Variants in CHD7 observed in about 807,000 individuals in gnomAD.
The protein encoded by CHD7 is ATP-dependent chromatin remodeler CHD7.
A neutral mutation model predicts 307.3 loss-of-function variants in CHD7; 24 were observed. The ratio of observed to expected loss-of-function variants is 0.08; its 90% CI spans 0.06 to 0.11. The LOEUF (loss-of-function observed/expected upper bound fraction) is 0.11. Among genes scored for constraint, CHD7 ranks in the 10% least tolerant of loss-of-function variants. The pLI is 1.00. For synonymous variants in CHD7, 1,363 were observed against 1,349.9 expected (o/e 1.01, Z -0.21); for missense variants, 3,106 against 3,727.1 (o/e 0.83, Z 4.34).
At chr8:60,697,065 G>A (rs966417643) in intron 1 of CHD7, among the ~76,000 whole-genome samples, 1 of 152,108 alleles carries the variant, frequency 6.6e-6, no homozygotes, top group South Asian at 2.1e-4. Context: ...ATTTCAGACC[G>A]ATTTAGTGTT....
At chr8:60,861,168 C>G (rs370442124) in intron 35 of CHD7, 43 bp downstream of exon 35, 1 of 1,435,576 alleles carries the variant, frequency 7.0e-7, no homozygotes, top group South Asian at 1.3e-5. Context: ...TCTTGCAGGC[C>G]GGTCCACTTC....
intron 1 of CHD7, among the ~76,000 whole-genome samples, chr8:60,712,829 C>T (rs1343729841): frequency 2.0e-5 from 3 of 151,944 alleles, no homozygotes; most frequent in Non-Finnish European, 2.9e-5. Context: ...TGGGGAGGAT[C>T]ACCCGAGGTC....
chr8:60,762,888 TC>T (rs1452920730), intron 2 of CHD7, among the ~76,000 whole-genome samples: 2 of 152,078 alleles, frequency 1.3e-5, no homozygotes, highest in African/African-American at 4.8e-5. Context: ...TTCAGAGGCC[TC>T]CTGCTGGAGG....
At chr8:60,717,882 C>G (rs764453326) in intron 1 of CHD7, among the ~76,000 whole-genome samples, 2 of 152,184 alleles carry the variant, frequency 1.3e-5, no homozygotes, top group Non-Finnish European at 2.9e-5. Flanking sequence ...TTGATAATGA[C>G]AGTAAACTGT....
intron 1 of CHD7, among the ~76,000 whole-genome samples, chr8:60,718,770 C>T (rs1404949507): frequency 1.3e-5 from 2 of 150,616 alleles, no homozygotes; most frequent in Non-Finnish European, 2.9e-5. Flanking sequence ...CATCCTAGGC[C>T]TTCATATTCA....
At chr8:60,771,941 C>T (rs4737563) in intron 2 of CHD7, among the ~76,000 whole-genome samples, 115,307 of 152,098 alleles carry the variant, frequency 0.76, 44,150 homozygotes, top group East Asian at 0.94. Flanking sequence ...TAAGTAACTC[C>T]AAACCAATTG....
chr8:60,860,508 C>A (rs1177800123), intron 34 of CHD7, among the ~76,000 whole-genome samples: 2 of 152,256 alleles, frequency 1.3e-5, no homozygotes, highest in African/African-American at 4.8e-5. Context: ...AGTCTCTGCT[C>A]ACTGCAACCT....
intron 26 of CHD7, 158 bp downstream of exon 26, chr8:60,850,780 T>C (rs1805417961): frequency 1.3e-6 from 1 of 779,880 alleles, no homozygotes; most frequent in Non-Finnish European, 2.1e-6. Flanking sequence ...TAATGACTGT[T>C]TAAACAATAT....
chr8:60,811,803 G>A (rs1382984926), intron 7 of CHD7, among the ~76,000 whole-genome samples: 1 of 151,984 alleles, frequency 6.6e-6, no homozygotes, highest in Non-Finnish European at 1.5e-5. Flanking sequence ...TGTCAACAAA[G>A]TATGCAAACA....
Position 60,861,023 on chromosome 8 carries a change from T to C in CHD7, c.7728T>C (p.Asp2576=), listed in dbSNP as rs1408461463. Residue 2576 remains aspartate, a synonymous_variant, in exon 35 of 38, where the codon GAT becomes GAC. Coordinates refer to ENST00000423902, the MANE Select transcript of CHD7 (RefSeq NM_017780.4). Reference sequence around the variant, plus strand: ...GGATCCCTGTTATCAATCTTGAAGATGGGACTAGGCTGGTGGGGGAAGATG... The same window carrying C: ...GGATCCCTGTTATCAATCTTGAAGACGGGACTAGGCTGGTGGGGGAAGATG... The part of the protein sequence containing the change: ...DTRIPVINLE[D]GTRLVGEDAP... 1.2e-6 allele frequency: 2 copies of C among 1,613,898 alleles called. No individual in the cohort carries two copies. The highest frequency in any genetic ancestry group is 2.7e-5 in the African/African-American group (2 of 74,912).
At position 60,856,172 on chromosome 8, in the gene CHD7, G is replaced by A. The variant is rs1433648025; in HGVS notation, c.7134G>A (p.Glu2378=). ...MVGQASISGS[E]DITTSPQLSK... ...GCCAAGCCAGCATTAGTGGGAGTGA[G>A]GACATCACTACGTCTCCTCAGTTGT... The change falls in exon 33 of 38, where the codon GAG becomes GAA. Residue 2378 remains glutamate (E), a synonymous_variant. Coordinates refer to ENST00000423902, the MANE Select transcript of CHD7 (RefSeq NM_017780.4). The A allele has an allele frequency of 3.1e-6, 5 of 1,601,126 alleles. No homozygotes were observed. The highest frequency in any genetic ancestry group is 4.3e-6 in the Non-Finnish European group (5 of 1,173,626).
At chr8:60,795,169 A>C (rs375278679) in intron 4 of CHD7, 42 bp downstream of exon 4, 1 of 1,595,290 alleles carries the variant, frequency 6.3e-7, no homozygotes, top group East Asian at 2.2e-5. Context: ...GTTATTTGGC[A>C]TGGGTAACTT....
chr8:60,836,025 A>G (rs1216703060), intron 15 of CHD7, 48 bp from the exon 16 acceptor site: 2 of 1,400,620 alleles, frequency 1.4e-6, no homozygotes, highest in Non-Finnish European at 2.0e-6. Flanking sequence ...TGTTTTTAGT[A>G]ATAAAAACCT....
intron 5 of CHD7, 125 bp downstream of exon 5, chr8:60,800,650 G>T: frequency 1.1e-6 from 1 of 926,162 alleles, no homozygotes; most frequent in Non-Finnish European, 1.6e-6. Context: ...ACCTAATGTT[G>T]GATAATGTGC....
intron 3 of CHD7, among the ~76,000 whole-genome samples, chr8:60,789,821 A>T (rs1206321811): frequency 6.6e-6 from 1 of 152,262 alleles, no homozygotes; most frequent in South Asian, 2.1e-4. Context: ...TAAGCTGAAC[A>T]TGACTACTTG....
intron 3 of CHD7, among the ~76,000 whole-genome samples, chr8:60,785,345 T>C (rs1368525624): frequency 6.6e-6 from 1 of 152,216 alleles, no homozygotes; most frequent in African/African-American, 2.4e-5. Flanking sequence ...CTATGCTCTG[T>C]CCCTAGTATT....
chr8:60,703,008 A>C (rs1806842709), intron 1 of CHD7, among the ~76,000 whole-genome samples: 1 of 152,188 alleles, frequency 6.6e-6, no homozygotes, highest in Admixed American at 6.5e-5. Flanking sequence ...GTTTGCCTGA[A>C]GTTTGCTATT....
intron 2 of CHD7, among the ~76,000 whole-genome samples, chr8:60,767,436 G>T (rs1166691759): frequency 6.6e-6 from 1 of 152,174 alleles, no homozygotes; most frequent in Admixed American, 6.5e-5. Flanking sequence ...ATTAGTCCTT[G>T]AGGCAGACTT....
chr8:60,789,591 T>C (rs1720897593), intron 3 of CHD7, among the ~76,000 whole-genome samples: 1 of 152,230 alleles, frequency 6.6e-6, no homozygotes, highest in African/African-American at 2.4e-5. Context: ...AAGTTTTCTT[T>C]CTGTTCAGGA....
Sources: allele counts gnomAD v4.1 joint callset (sites outside exome capture counted in the v4.1 genomes callset), GRCh38; gene constraint gnomAD v4.1.1; transcripts MANE v1.5; gene names NCBI Gene and HGNC (gene_info 2026-07-23, HGNC 2026-07-21).